The following CLIP1 variants were observed in gnomAD, a reference collection of about 807,000 sequenced individuals.
CLIP1 encodes the protein CAP-Gly domain-containing linker protein 1.
Under a neutral mutation model 161.6 loss-of-function variants are expected in CLIP1, and 66 were observed. That is an observed-to-expected ratio of 0.41 (90% CI 0.33 to 0.50). The LOEUF (loss-of-function observed/expected upper bound fraction) is 0.50, where lower values mean the gene tolerates loss of function less well. Among genes scored for constraint, CLIP1 ranks in the 20% least tolerant of loss-of-function variants. The probability of loss-of-function intolerance (pLI) is 0.27; values close to 1 mark genes in which losing one functional copy is unlikely to be tolerated. For missense variants in CLIP1, 1,376 were observed against 1,702.0 expected, an observed-to-expected ratio of 0.81 and a Z score of 3.37; for synonymous variants, 598 against 626.2, an observed-to-expected ratio of 0.96 and a Z score of 0.67.
intron 20 of CLIP1, among the ~76,000 whole-genome samples, chr12:122,295,501 T>C (rs1950432377): frequency 6.6e-6 from 1 of 152,232 alleles, no homozygotes; most frequent in African/African-American, 2.4e-5. Context: ...CCTTTTTAAA[T>C]TGACTGAAAA....
At chr12:122,306,132 C>T (rs1950865344) in intron 20 of CLIP1, among the ~76,000 whole-genome samples, 1 of 151,510 alleles carries the variant, frequency 6.6e-6, no homozygotes, top group Non-Finnish European at 1.5e-5. Flanking sequence ...TTCTCCCATG[C>T]TGGAAGCTTC....
At chr12:122,287,324 A>C (rs1383216866) in intron 21 of CLIP1, among the ~76,000 whole-genome samples, 1 of 152,246 alleles carries the variant, frequency 6.6e-6, no homozygotes, top group Non-Finnish European at 1.5e-5. Flanking sequence ...CAGAGGAGAC[A>C]GTGCTGCGTA....
chr12:122,387,925 CAA>C (rs1451139897), intron 1 of CLIP1, among the ~76,000 whole-genome samples: 2 of 151,964 alleles, frequency 1.3e-5, no homozygotes, highest in East Asian at 1.9e-4. Flanking sequence ...TAAATATTCT[CAA>C]GTTTTAATTT....
intron 5 of CLIP1, among the ~76,000 whole-genome samples, chr12:122,356,607 TCTCTCC>T (rs950381751): frequency 1.3e-5 from 2 of 150,504 alleles, no homozygotes; most frequent in African/African-American, 4.9e-5. Flanking sequence ...TCCCTCTCCC[TCTCTCC>T]CTCTCCCTCT....
At position 122,279,646 on chromosome 12, in the gene CLIP1, C is replaced by T. The variant is rs189644830; in HGVS notation, c.3648-501G>A. ...ATTTCAGTAACTTTTGTAGCAAGTTCCAAGAATGGGTGTTTAAGATGTTAT... is the reference window on the plus strand; with the variant it reads ...ATTTCAGTAACTTTTGTAGCAAGTTTCAAGAATGGGTGTTTAAGATGTTAT... On this transcript the variant is annotated intron_variant, in intron 21 of 25. Coordinates refer to ENST00000620786, the MANE Select transcript of CLIP1 (RefSeq NM_001247997.2). This position sits in a 1 kb window ranked among gnomAD's most constrained non-coding sequence, Gnocchi z 4.5. 2.0e-5 allele frequency: 3 copies of T among 152,004 alleles called. No homozygotes were observed. In the East Asian group the frequency reaches 5.8e-4, roughly 29 times the overall value. 9.4% of individuals were successfully genotyped at this position (152,004 alleles called of 1,614,324 possible). A position where few individuals can be genotyped will look rare whatever the true frequency, so the allele number is the denominator to read the frequency against.
intron 3 of CLIP1, among the ~76,000 whole-genome samples, chr12:122,371,164 C>G (rs1041730270): frequency 5.3e-5 from 8 of 152,074 alleles, no homozygotes; most frequent in African/African-American, 1.9e-4. Context: ...TTAGAGAATT[C>G]ACAGGGACAA....
At chr12:122,375,785 C>T in intron 3 of CLIP1, among the ~76,000 whole-genome samples, 1 of 148,908 alleles carries the variant, frequency 6.7e-6, no homozygotes, top group African/African-American at 2.5e-5. Flanking sequence ...CACTTCTGAG[C>T]TTATTTTGTC....
At chr12:122,332,875 A>C (rs1223099146) in intron 15 of CLIP1, 112 bp downstream of exon 15, 1 of 806,868 alleles carries the variant, frequency 1.2e-6, no homozygotes, top group Non-Finnish European at 1.9e-6. Context: ...AAAAGAACAG[A>C]GACGGGAAAC....
intron 18 of CLIP1, among the ~76,000 whole-genome samples, chr12:122,317,852 C>T (rs925214832): frequency 1.3e-5 from 2 of 152,174 alleles, no homozygotes; most frequent in African/African-American, 2.4e-5. Flanking sequence ...GTTCATCCAA[C>T]CCTGAATTCT....
chr12:122,402,233 G>A (rs1312333256), intron 1 of CLIP1, among the ~76,000 whole-genome samples: 1 of 152,110 alleles, frequency 6.6e-6, no homozygotes, highest in African/African-American at 2.4e-5. Flanking sequence ...CAAGGGCTGG[G>A]CACGGTGGCT....
At chr12:122,419,601 C>T (rs918056066) in intron 1 of CLIP1, among the ~76,000 whole-genome samples, 1 of 151,934 alleles carries the variant, frequency 6.6e-6, no homozygotes, top group Non-Finnish European at 1.5e-5. Flanking sequence ...ATCTCTTATA[C>T]ACCATCCACT....
Position 122,417,297 on chromosome 12 carries a change from A to AAAAAC in CLIP1, c.-107+5219_-107+5223dup, listed in dbSNP as rs374831413. ...GGGGACAAAAACAAGATTTTGTCTT[A>AAAAAC]AAAACAAAACAAAACAAAACAAAAC... On this transcript the variant is annotated intron_variant, in intron 1 of 25. Coordinates refer to ENST00000620786, the MANE Select transcript of CLIP1 (RefSeq NM_001247997.2). 5.7e-3 allele frequency among the ~76,000 whole-genome samples: 870 copies of AAAAAC among 151,920 alleles called. 6 individuals carry two copies. The highest frequency in any genetic ancestry group is 0.02 in the African/African-American group (823 of 41,350).
At chr12:122,318,941 G>T (rs1414771072) in intron 18 of CLIP1, among the ~76,000 whole-genome samples, 1 of 152,158 alleles carries the variant, frequency 6.6e-6, no homozygotes, top group Non-Finnish European at 1.5e-5. Flanking sequence ...TGTGATGTAA[G>T]ATCAAGGATA....
intron 20 of CLIP1, among the ~76,000 whole-genome samples, chr12:122,295,539 T>A (rs1409594092): frequency 1.3e-5 from 2 of 152,236 alleles, no homozygotes; most frequent in East Asian, 3.8e-4. Flanking sequence ...ACATAACCTG[T>A]CCTGGAGAAT....
intron 1 of CLIP1, among the ~76,000 whole-genome samples, chr12:122,404,946 T>C (rs1318863153): frequency 5.3e-5 from 8 of 151,926 alleles, no homozygotes; most frequent in African/African-American, 1.9e-4. Flanking sequence ...TGCCATGTGT[T>C]CACACTTCCA....
chr12:122,357,448 C>A (rs1293503801), intron 5 of CLIP1, among the ~76,000 whole-genome samples: 1 of 150,814 alleles, frequency 6.6e-6, no homozygotes. Context: ...CCGGCAGCCA[C>A]CCCGTCTGGG....
intron 3 of CLIP1, among the ~76,000 whole-genome samples, chr12:122,375,228 T>C (rs1007279271): frequency 6.6e-6 from 1 of 152,110 alleles, no homozygotes; most frequent in Non-Finnish European, 1.5e-5. Flanking sequence ...ACACCTTGTG[T>C]TTCTGCTTAT....
At chr12:122,328,736 C>T (rs983092921) in intron 15 of CLIP1, among the ~76,000 whole-genome samples, 39 of 152,266 alleles carry the variant, frequency 2.6e-4, no homozygotes, top group African/African-American at 8.7e-4. Flanking sequence ...CACCTGCCAG[C>T]ACGCCTGGCT....
chr12:122,317,686 A>G (rs1464837403), intron 18 of CLIP1, among the ~76,000 whole-genome samples: 2 of 152,212 alleles, frequency 1.3e-5, no homozygotes, highest in African/African-American at 4.8e-5. Context: ...ACAGCCAGAA[A>G]AGGGAGCTAT....
Sources: gnomAD v4.1 joint callset for allele counts (sites outside exome capture counted in the v4.1 genomes callset) on GRCh38, gnomAD v4.1.1 for gene constraint, Gnocchi (gnomAD v3.1) non-coding constraint, MANE v1.5 for transcripts, NCBI Gene and HGNC (gene_info 2026-07-23, HGNC 2026-07-21) for gene names.